Variants in SPACA9 observed in about 807,000 individuals in gnomAD.
SPACA9 encodes sperm acrosome-associated protein 9.
Under a neutral mutation model 12.5 loss-of-function variants are expected in SPACA9, and 14 were observed. The observed-to-expected ratio is 1.12, with a 90% CI of 0.74 to 1.75. The LOEUF (loss-of-function observed/expected upper bound fraction) is 1.75. Ranked by LOEUF, SPACA9 falls within the 40% of genes most tolerant of loss-of-function variation. The probability of loss-of-function intolerance (pLI) is 0.00; values close to 1 mark genes in which losing one functional copy is unlikely to be tolerated. For synonymous variants in SPACA9, 111 were observed against 114.1 expected (o/e 0.97, Z 0.17); for missense variants, 292 against 291.9 (o/e 1.00, Z 0.00).
intron 2 of SPACA9, among the ~76,000 whole-genome samples, chr9:132,886,984 T>C (rs1328441421): frequency 6.6e-6 from 1 of 151,848 alleles, no homozygotes; most frequent in Non-Finnish European, 1.5e-5. Flanking sequence ...GCTAATTTTT[T>C]TTTTCCTAGT....
rs1844617567 is a variant in SPACA9 at position 132,888,007 on chromosome 9, C to T, written c.348-283C>T. ...TCTGTAGATACCAGGGTGAGAAGAG[C>T]CAGAGGGATGAGCCAGCCAGTTCCT... On this transcript the variant is annotated intron_variant, in intron 3 of 3. Coordinates refer to ENST00000356311, the MANE Select transcript of SPACA9 (RefSeq NM_001316897.2). The surrounding 1 kb of genome is among the most constrained non-coding windows in gnomAD (Gnocchi z 5.0). Among the ~76,000 whole-genome samples the T allele has an allele frequency of 1.3e-5, 2 of 152,158 alleles. No homozygotes were observed. The highest frequency in any genetic ancestry group is 4.8e-5 in the African/African-American group (2 of 41,442).
Position 132,889,319 on chromosome 9 carries a change from C to T in SPACA9, c.*708C>T, listed in dbSNP as rs1398440700. 2.0e-6 allele frequency: 2 copies of T among 985,532 alleles called. No individual in the cohort carries two copies. Among genetic ancestry groups the T allele is most frequent in the Non-Finnish European group, 2.4e-6 (2 of 830,114 alleles). The allele number at this position is 985,532 out of a possible 1,614,324, so 61.0% of individuals were successfully genotyped here. A position where few individuals can be genotyped will look rare whatever the true frequency, so the allele number is the denominator to read the frequency against. Reference sequence around the variant, plus strand: ...TCTGCTCCTTGCCCCACCACCAGCCCCAACTGTAGGCAAGGCACACGCTGT... The same window carrying T: ...TCTGCTCCTTGCCCCACCACCAGCCTCAACTGTAGGCAAGGCACACGCTGT... On this transcript the variant is annotated 3_prime_UTR_variant, in exon 4 of 4. Coordinates refer to ENST00000356311, the MANE Select transcript of SPACA9 (RefSeq NM_001316897.2).
rs73550681 is a variant in SPACA9 at position 132,886,052 on chromosome 9, A to C, written c.145-1317A>C. Among the ~76,000 whole-genome samples, 508 of 152,342 alleles carry C rather than the reference A, an allele frequency of 3.3e-3. 4 individuals are homozygous for C. The highest frequency in any genetic ancestry group is 0.01 in the African/African-American group (431 of 41,572). The stretch of plus-strand genomic sequence containing the variant: ...CTGCTTGTGCATGGCAGTCCTTGGG[A>C]AGGAACCACTTCAGATTGTTTGGGG... On this transcript the variant is annotated intron_variant, in intron 2 of 3. Transcript: ENST00000356311.
At chr9:132,879,893 A>G (rs111587187) in intron 1 of SPACA9, among the ~76,000 whole-genome samples, 1 of 152,220 alleles carries the variant, frequency 6.6e-6, no homozygotes, top group African/African-American at 2.4e-5. Context: ...GGCTCCAGCT[A>G]AAGCCCTTTT....
rs56183351 is a variant in SPACA9 at position 132,885,512 on chromosome 9, CA to C, written c.144+1444del. On this transcript the variant is annotated intron_variant, in intron 2 of 3. Coordinates refer to ENST00000356311, the MANE Select transcript of SPACA9 (RefSeq NM_001316897.2). ...TGGGTGACACAGCAAGACCCTGTCT[CA>C]AAAAAAAAAAAAAAAAAAAAAAGTT... Among the ~76,000 whole-genome samples, 554 of 65,536 alleles carry C rather than the reference CA, an allele frequency of 8.5e-3. 2 individuals carry two copies. Among genetic ancestry groups the C allele is most frequent in the African/African-American group, 0.018 (290 of 16,338 alleles). The allele number at this position is 65,536 out of a possible 152,430, so 43.0% of individuals were successfully genotyped here.
At chr9:132,884,115 G>T in intron 2 of SPACA9, 24 bp downstream of exon 2, 1 of 1,605,582 alleles carries the variant, frequency 6.2e-7, no homozygotes, top group Non-Finnish European at 8.5e-7. Flanking sequence ...CCCCCACCCC[G>T]GCCGAGGGGC....
Position 132,888,201 on chromosome 9 carries a change from C to T in SPACA9, c.348-89C>T. On this transcript the variant is annotated intron_variant, in intron 3 of 3. Transcript: ENST00000356311. The surrounding 1 kb of genome is among the most constrained non-coding windows in gnomAD (Gnocchi z 5.0). ...CCAGTTCTAAAGCCTCCCCAGGTGA[C>T]TCTGCTGTGCCTGAGGTGTGGCAGC... The T allele has an allele frequency of 6.5e-7, 1 of 1,535,244 alleles. No individual in the cohort carries two copies. Among genetic ancestry groups the T allele is most frequent in the Non-Finnish European group, 8.8e-7 (1 of 1,140,944 alleles).
chr9:132,882,596 A>G (rs1844458374), intron 1 of SPACA9, among the ~76,000 whole-genome samples: 1 of 151,752 alleles, frequency 6.6e-6, no homozygotes, highest in Non-Finnish European at 1.5e-5. Flanking sequence ...CTCTGGACAC[A>G]GCAGAAAGAA....
Position 132,888,665 on chromosome 9 carries a change from A to G in SPACA9, c.*54A>G. 1.4e-6 allele frequency: 2 copies of G among 1,474,302 alleles called. No homozygotes were observed. Among genetic ancestry groups the G allele is most frequent in the Non-Finnish European group, 1.8e-6 (2 of 1,111,660 alleles). 91.3% of individuals were successfully genotyped at this position (1,474,302 alleles called of 1,614,324 possible). A position where few individuals can be genotyped will look rare whatever the true frequency, so the allele number is the denominator to read the frequency against. ...AGCTTTGCTGTTTAATTTGGATTTT[A>G]CTGGTTGGTCCTTTTTTCACTGGTA... On this transcript the variant is annotated 3_prime_UTR_variant, in exon 4 of 4. Transcript: ENST00000356311. The surrounding 1 kb of genome is among the most constrained non-coding windows in gnomAD (Gnocchi z 5.0).
Position 132,884,091 on chromosome 9 carries a change from G to T in SPACA9, c.144G>T (p.Gln48His). 6.2e-7 allele frequency: 1 copy of T among 1,610,724 alleles called. No individual in the cohort carries two copies. Reference sequence around the variant, plus strand: ...TCCGGCCCATCTCCAGCATTGGACAGGTGGGGCTCCCGACCCCCACCCCGG... The same window carrying T: ...TCCGGCCCATCTCCAGCATTGGACATGTGGGGCTCCCGACCCCCACCCCGG... Reference protein sequence around the residue: ...DKIRPISSIGQVQSYMEHYCN... With the variant: ...DKIRPISSIGHVQSYMEHYCN... Residue 48 changes from glutamine to histidine, a missense_variant and splice_region_variant, in exon 2 of 4, where the codon CAG becomes CAT. Gln to His is a conservative substitution (Grantham distance 24, BLOSUM62 0). Transcript: ENST00000356311.
At chr9:132,884,210 A>C (rs975440642) in intron 2 of SPACA9, 119 bp downstream of exon 2, 1 of 1,000,782 alleles carries the variant, frequency 1.0e-6, no homozygotes, top group African/African-American at 1.6e-5. Flanking sequence ...TAGGACCCGG[A>C]CCCAGAACCT....
rs772946661 is a variant in SPACA9 at position 132,883,918 on chromosome 9, T to G, written c.-30T>G. On this transcript the variant is annotated 5_prime_UTR_variant, in exon 2 of 4. Transcript: ENST00000356311. ...TCCTCTGTCTCCCCATAGATTCCTC[T>G]TCTCCTGTAAATGACCACAGAGGAA... 6.2e-7 allele frequency: 1 copy of G among 1,612,800 alleles called. No individual in the cohort carries two copies. The highest frequency in any genetic ancestry group is 1.3e-5 in the African/African-American group (1 of 75,028).
At position 132,887,254 on chromosome 9, in the gene SPACA9, C is replaced by T; in HGVS notation, c.145-115C>T. 1.2e-6 allele frequency: 1 copy of T among 852,690 alleles called. No homozygotes were observed. 52.8% of individuals were successfully genotyped at this position (852,690 alleles called of 1,614,324 possible). On this transcript the variant is annotated intron_variant, in intron 2 of 3. Coordinates refer to ENST00000356311, the MANE Select transcript of SPACA9 (RefSeq NM_001316897.2). The surrounding 1 kb of genome is among the most constrained non-coding windows in gnomAD (Gnocchi z 5.4). ...GCTTAAGCGTTACTTGCGTCTCCCC[C>T]ATGAGTCATGTAGGGTGGGAGGGAG...
chr9:132,881,047 A>G (rs1221406252), intron 1 of SPACA9, among the ~76,000 whole-genome samples: 1 of 151,812 alleles, frequency 6.6e-6, no homozygotes, highest in South Asian at 2.1e-4. Context: ...GATGGTCTCA[A>G]TCTCCTGACT....
In SPACA9 at chr9:132,889,635, G is replaced by C. The variant is rs974930736; in HGVS notation, c.*1024G>C. ...TCACCACGTTGGCCAGGCTGGTCTTGAACTCCTGACCTCAACTGGTCCACC... is the reference window on the plus strand; with the variant it reads ...TCACCACGTTGGCCAGGCTGGTCTTCAACTCCTGACCTCAACTGGTCCACC... On this transcript the variant is annotated 3_prime_UTR_variant, in exon 4 of 4. Coordinates refer to ENST00000356311, the MANE Select transcript of SPACA9 (RefSeq NM_001316897.2). The C allele has an allele frequency of 1.5e-6, 1 of 675,998 alleles. No individual in the cohort carries two copies. The highest frequency in any genetic ancestry group is 2.0e-5 in the African/African-American group (1 of 51,228). The allele number at this position is 675,998 out of a possible 1,614,324, so 41.9% of individuals were successfully genotyped here.
At position 132,889,728 on chromosome 9, in the gene SPACA9, G is replaced by A; in HGVS notation, c.*1117G>A. 1 of 1,204,982 alleles carries A rather than the reference G, an allele frequency of 8.3e-7. No homozygotes were observed. Among genetic ancestry groups the A allele is most frequent in the Non-Finnish European group, 1.0e-6 (1 of 961,602 alleles). The allele number at this position is 1,204,982 out of a possible 1,614,324, so 74.6% of individuals were successfully genotyped here. On this transcript the variant is annotated 3_prime_UTR_variant, in exon 4 of 4. Transcript: ENST00000356311. ...CGGCACCTGGCCAGAACTCAGTAGT[G>A]TGTTTAGTTCTCTGGACCACAGCCA...
chr9:132,882,676 C>A (rs528181366), intron 1 of SPACA9, among the ~76,000 whole-genome samples: 9 of 152,210 alleles, frequency 5.9e-5, no homozygotes, highest in Non-Finnish European at 1.3e-4. Context: ...ATGTGCCTTC[C>A]CTGCCCCAGT....
chr9:132,880,865 C>G (rs1166336769), intron 1 of SPACA9, among the ~76,000 whole-genome samples: 3 of 150,344 alleles, frequency 2.0e-5, no homozygotes, highest in Non-Finnish European at 4.4e-5. Flanking sequence ...CTCTGTCGCC[C>G]AGGCTGGAGT....
chr9:132,887,974 G>A lies in SPACA9; in HGVS notation c.348-316G>A, dbSNP rs1443284920. Among the ~76,000 whole-genome samples the A allele has an allele frequency of 6.6e-6, 1 of 152,158 alleles. No individual in the cohort carries two copies. Among genetic ancestry groups the A allele is most frequent in the Admixed American group, 6.5e-5 (1 of 15,288 alleles). ...CCTGCAGCACAGTGGGCCAGAGCCTGGGGAAGCTCTGTAGATACCAGGGTG... is the reference window on the plus strand; with the variant it reads ...CCTGCAGCACAGTGGGCCAGAGCCTAGGGAAGCTCTGTAGATACCAGGGTG... On this transcript the variant is annotated intron_variant, in intron 3 of 3. Coordinates refer to ENST00000356311, the MANE Select transcript of SPACA9 (RefSeq NM_001316897.2). This position sits in a 1 kb window ranked among gnomAD's most constrained non-coding sequence, Gnocchi z 5.4.
Sources: gnomAD v4.1 joint callset for allele counts (sites outside exome capture counted in the v4.1 genomes callset) on GRCh38, gnomAD v4.1.1 for gene constraint, Gnocchi (gnomAD v3.1) non-coding constraint, MANE v1.5 for transcripts, NCBI Gene and HGNC (gene_info 2026-07-23, HGNC 2026-07-21) for gene names.